The following CA8 variants were observed in gnomAD, a reference collection of about 807,000 sequenced individuals.
CA8 encodes carbonic anhydrase 8 (inactive), also known as carbonic anhydrase-related protein.
CA8 carries 22 observed loss-of-function variants against 41.4 expected under a neutral mutation model. The observed-to-expected ratio is 0.53, with a 90% confidence interval of 0.38 to 0.76. CA8 has a LOEUF of 0.76. Among genes scored for constraint, CA8 ranks in the 30% least tolerant of loss-of-function variants. The pLI, the probability that CA8 is intolerant of heterozygous loss-of-function variation, is 0.00. For missense variants in CA8, 270 were observed against 352.8 expected, an observed-to-expected ratio of 0.77 and a Z score of 1.88; for synonymous variants, 121 against 130.6, an observed-to-expected ratio of 0.93 and a Z score of 0.50.
chr8:60,209,805 G>C (rs1425376974), intron 7 of CA8, among the ~76,000 whole-genome samples: 1 of 152,082 alleles, frequency 6.6e-6, no homozygotes, highest in Non-Finnish European at 1.5e-5. Context: ...TTATTAGGTG[G>C]GCTCTCCAGG....
intron 2 of CA8, among the ~76,000 whole-genome samples, chr8:60,278,058 A>G (rs756263555): frequency 6.6e-6 from 1 of 152,230 alleles, no homozygotes; most frequent in Non-Finnish European, 1.5e-5. Flanking sequence ...AACACACTTC[A>G]TGGTGAGAGG....
chr8:60,271,265 C>T (rs1804062675), intron 2 of CA8, among the ~76,000 whole-genome samples: 1 of 151,806 alleles, frequency 6.6e-6, no homozygotes. Flanking sequence ...TTGCTTGAGC[C>T]CAGGACTTGG....
intron 8 of CA8, among the ~76,000 whole-genome samples, chr8:60,194,550 T>G (rs1000482594): frequency 1.3e-5 from 2 of 152,160 alleles, no homozygotes; most frequent in African/African-American, 4.8e-5. Flanking sequence ...GTACAGAGTC[T>G]CTCTCTTAAT....
chr8:60,195,034 AACC>A (rs1380637017), intron 8 of CA8, among the ~76,000 whole-genome samples: 1 of 152,198 alleles, frequency 6.6e-6, no homozygotes, highest in East Asian at 1.9e-4. Context: ...TATTTGGTAA[AACC>A]ACCTAAAGAA....
rs1301352414 is a variant in CA8 at position 60,186,371 on chromosome 8, C to G, written c.*3650G>C. Among the ~76,000 whole-genome samples, 2 of 149,034 alleles carry G rather than the reference C, an allele frequency of 1.3e-5. No homozygotes were observed. Among genetic ancestry groups the G allele is most frequent in the African/African-American group, 4.9e-5 (2 of 40,418 alleles). On this transcript the variant is annotated 3_prime_UTR_variant, in exon 9 of 9. Transcript: ENST00000317995. ...ATAAATTAACAAGTATATGATATGC[C>G]CTTTAGCAACCACTGTGAAAATATA...
At chr8:60,241,877 T>C (rs150124469) in intron 3 of CA8, among the ~76,000 whole-genome samples, 1 of 152,206 alleles carries the variant, frequency 6.6e-6, no homozygotes, top group East Asian at 1.9e-4. Context: ...AGAATGTAAG[T>C]CATTTATAGA....
chr8:60,281,105 C>T lies in CA8; in HGVS notation c.43G>A (p.Glu15Lys), dbSNP rs1347737035. The change falls in exon 1 of 9, where the codon GAG (glutamate) becomes AAG (lysine). Residue 15 changes from glutamate to lysine, a missense_variant. Physicochemically the swap from Glu to Lys is moderately conservative, Grantham distance 56. This residue lies in a region of CA8 where 123 missense variants were observed against 136.8 expected (regional missense o/e 0.90). Coordinates refer to ENST00000317995, the MANE Select transcript of CA8 (RefSeq NM_004056.6). ...SFIEDTVAFP[E>K]KEEDEEEEEE... Reference sequence around the variant, plus strand: ...TCTTCCTCCTCATCCTCTTCCTTCTCGGGGAAGGCGACGGTATCTTCGATG... The same window carrying T: ...TCTTCCTCCTCATCCTCTTCCTTCTTGGGGAAGGCGACGGTATCTTCGATG... The T allele has an allele frequency of 1.2e-6, 2 of 1,603,746 alleles. No homozygotes were observed. Among genetic ancestry groups the T allele is most frequent in the East Asian group, 2.3e-5 (1 of 44,416 alleles).
intron 5 of CA8, among the ~76,000 whole-genome samples, chr8:60,225,867 T>C (rs982931029): frequency 1.3e-5 from 2 of 152,156 alleles, no homozygotes; most frequent in African/African-American, 4.8e-5. Flanking sequence ...CTCACGCCTG[T>C]AATCCCAGCA....
intron 3 of CA8, among the ~76,000 whole-genome samples, chr8:60,255,042 A>G (rs1196598061): frequency 1.3e-5 from 2 of 152,132 alleles, no homozygotes; most frequent in Non-Finnish European, 2.9e-5. Context: ...TAAGTGGGGA[A>G]TTTGAGAGAG....
At chr8:60,255,618 G>A (rs955958914) in intron 3 of CA8, among the ~76,000 whole-genome samples, 3 of 152,138 alleles carry the variant, frequency 2.0e-5, no homozygotes, top group African/African-American at 7.2e-5. Context: ...GACATTAATT[G>A]ATGAAAAAGG....
At chr8:60,243,002 A>C (rs979005251) in intron 3 of CA8, among the ~76,000 whole-genome samples, 1 of 152,234 alleles carries the variant, frequency 6.6e-6, no homozygotes, top group Non-Finnish European at 1.5e-5. Flanking sequence ...TCACCGCCAT[A>C]GAGCCCCAAT....
chr8:60,215,343 GTGTGTGTGTGTGT>G lies in CA8; in HGVS notation c.739-6437_739-6425del, dbSNP rs1806979415. ...TCAATGAGTGGATAAAAACACTGTC[GTGTGTGTGTGTGT>G]ATACACACACACACACACACACACA... On this transcript the variant is annotated intron_variant, in intron 7 of 8. Transcript: ENST00000317995. Among the ~76,000 whole-genome samples the G allele has an allele frequency of 2.6e-5, 3 of 117,222 alleles. No individual in the cohort carries two copies. The Admixed American group carries it at 2.8e-4, about 11-fold the overall frequency. The allele number at this position is 117,222 out of a possible 152,430, so 76.9% of individuals were successfully genotyped here. A position where few individuals can be genotyped will look rare whatever the true frequency, so the allele number is the denominator to read the frequency against.
At chr8:60,269,193 G>A (rs931732213) in intron 2 of CA8, among the ~76,000 whole-genome samples, 1 of 151,994 alleles carries the variant, frequency 6.6e-6, no homozygotes, top group Non-Finnish European at 1.5e-5. Context: ...TTATCCATCT[G>A]GTAACCCTCT....
At chr8:60,259,489 A>T (rs1435704343) in intron 3 of CA8, among the ~76,000 whole-genome samples, 1 of 152,174 alleles carries the variant, frequency 6.6e-6, no homozygotes, top group Non-Finnish European at 1.5e-5. Flanking sequence ...AATACTAACA[A>T]ATATAAAATC....
At chr8:60,234,897 A>T (rs190333424) in intron 3 of CA8, among the ~76,000 whole-genome samples, 3 of 151,822 alleles carry the variant, frequency 2.0e-5, no homozygotes, top group Admixed American at 1.3e-4. Flanking sequence ...ATCATGACAG[A>T]CCCCCTTTCT....
At chr8:60,233,356 G>C (rs1386930892) in intron 3 of CA8, among the ~76,000 whole-genome samples, 5 of 152,082 alleles carry the variant, frequency 3.3e-5, no homozygotes, top group Admixed American at 2.0e-4. Context: ...CCACAAATTG[G>C]ATTTTTCCAC....
chr8:60,276,357 A>C (rs545451734), intron 2 of CA8, among the ~76,000 whole-genome samples: 1 of 152,202 alleles, frequency 6.6e-6, no homozygotes, highest in Non-Finnish European at 1.5e-5. Flanking sequence ...GGAAAAAGAA[A>C]GGACAAGGAG....
At chr8:60,227,797 T>C (rs912753431) in intron 4 of CA8, among the ~76,000 whole-genome samples, 17 of 152,196 alleles carry the variant, frequency 1.1e-4, no homozygotes, top group African/African-American at 4.1e-4. Context: ...TTTATAGCCT[T>C]CTTTTTAAAA....
intron 8 of CA8, among the ~76,000 whole-genome samples, chr8:60,198,741 G>C (rs1806345912): frequency 1.3e-5 from 2 of 152,242 alleles, no homozygotes; most frequent in African/African-American, 2.4e-5. Flanking sequence ...ATTATAATGA[G>C]AGAAGGTTTG....
Sources: allele counts gnomAD v4.1 joint callset (sites outside exome capture counted in the v4.1 genomes callset), GRCh38; gene constraint gnomAD v4.1.1; regional missense constraint gnomAD v4.1.1; transcripts MANE v1.5; gene names NCBI Gene and HGNC (gene_info 2026-07-23, HGNC 2026-07-21).